PHF24: variants seen among roughly 807,000 people sequenced by gnomAD.
PHF24 encodes PHD finger protein 24.
In PHF24, 25 loss-of-function variants were observed where a neutral mutation model predicts 42.6. The ratio of observed to expected loss-of-function variants is 0.59; its 90% CI spans 0.43 to 0.82. The LOEUF is 0.82. Among genes scored for constraint, PHF24 ranks in the 40% least tolerant of loss-of-function variants. The probability of loss-of-function intolerance (pLI) is 0.00; values close to 1 mark genes in which losing one functional copy is unlikely to be tolerated. For missense variants in PHF24, 470 were observed against 538.1 expected, an observed-to-expected ratio of 0.87 and a Z score of 1.25; for synonymous variants, 185 against 204.8, an observed-to-expected ratio of 0.90 and a Z score of 0.83.
At chr9:34,748,538 C>T in the PHF24 span, among the ~76,000 whole-genome samples, 1 of 152,180 alleles carries the variant, frequency 6.6e-6, no homozygotes, top group Non-Finnish European at 1.5e-5. Flanking sequence ...TAGAGAGACT[C>T]TGTTTGGGAG....
At chr9:34,919,691 T>TACACACACACACACACATACACACAC in the PHF24 span, among the ~76,000 whole-genome samples, 1 of 148,190 alleles carries the variant, frequency 6.7e-6, no homozygotes, top group Non-Finnish European at 1.5e-5. Flanking sequence ...ACCCAGTAAT[T>TACACACACACACACACATACACACAC]ACACACACAC....
chr9:34,742,406 C>G, the PHF24 span, among the ~76,000 whole-genome samples: 1 of 152,086 alleles, frequency 6.6e-6, no homozygotes, highest in African/African-American at 2.4e-5. Context: ...GCAGCTCTCT[C>G]CTTGCTCACT....
chr9:34,689,735 TC>T, the PHF24 span: 1 of 1,534,546 alleles, frequency 6.5e-7, no homozygotes, highest in African/African-American at 1.4e-5. The surrounding 1 kb of genome is among the most constrained non-coding windows in gnomAD (Gnocchi z 4.1). Context: ...GCCTGGTCCT[TC>T]CTTCTGGTCC....
exon 8 of PHF24, chr9:34,978,130 G>A (rs748989403): frequency 1.0e-5 from 16 of 1,584,654 alleles, no homozygotes; most frequent in South Asian, 8.8e-5. Context: ...AGAGAAGCTC[G>A]GTTTGAGGAC....
chr9:34,898,178 A>G, the PHF24 span, among the ~76,000 whole-genome samples: 1 of 152,174 alleles, frequency 6.6e-6, no homozygotes, highest in Non-Finnish European at 1.5e-5. Flanking sequence ...CGTTTCCTCC[A>G]GGTAGATACC....
chr9:34,880,759 G>A, the PHF24 span, among the ~76,000 whole-genome samples: 1 of 152,118 alleles, frequency 6.6e-6, no homozygotes, highest in African/African-American at 2.4e-5. Context: ...ATAATAATGG[G>A]AGGCTTTAAC....
the PHF24 span, among the ~76,000 whole-genome samples, chr9:34,691,678 A>G: frequency 1.3e-5 from 2 of 152,098 alleles, no homozygotes; most frequent in Non-Finnish European, 2.9e-5. Context: ...GCTGGTGGTG[A>G]AGAAGGCTCC....
chr9:34,792,022 T>G, the PHF24 span, among the ~76,000 whole-genome samples: 2 of 152,228 alleles, frequency 1.3e-5, no homozygotes, highest in Non-Finnish European at 2.9e-5. Context: ...AGAAGGCATT[T>G]TACAGCATGT....
chr9:34,926,037 T>A, the PHF24 span, among the ~76,000 whole-genome samples: 1 of 152,230 alleles, frequency 6.6e-6, no homozygotes, highest in East Asian at 1.9e-4. The surrounding 1 kb of genome is among the most constrained non-coding windows in gnomAD (Gnocchi z 4.3). Flanking sequence ...GTAACCTCCA[T>A]GTAGTTTCTT....
chr9:34,793,105 T>A, the PHF24 span, among the ~76,000 whole-genome samples: 1 of 152,134 alleles, frequency 6.6e-6, no homozygotes, highest in Non-Finnish European at 1.5e-5. Context: ...ATAAAGTTTT[T>A]ATTATTATAT....
the PHF24 span, among the ~76,000 whole-genome samples, chr9:34,760,946 C>T: frequency 6.6e-6 from 1 of 151,466 alleles, no homozygotes; most frequent in African/African-American, 2.4e-5. Context: ...GAGCCGTGAT[C>T]GCGCCACTGC....
the PHF24 span, chr9:34,838,311 G>A: frequency 1.4e-6 from 1 of 730,212 alleles, no homozygotes; most frequent in Non-Finnish European, 2.5e-6. Context: ...TATTATCTGA[G>A]GCTTAATTAG....
chr9:34,903,454 T>A, the PHF24 span, among the ~76,000 whole-genome samples: 7 of 152,306 alleles, frequency 4.6e-5, no homozygotes, highest in South Asian at 6.2e-4. Context: ...TAGCCCTAGC[T>A]ACTCAGGAAG....
chr9:34,673,347 C>CT, the PHF24 span, among the ~76,000 whole-genome samples: 1 of 37,386 alleles, frequency 2.7e-5, no homozygotes, highest in Non-Finnish European at 6.1e-5. Flanking sequence ...GAGCGAGACT[C>CT]TATTTCAAAA....
chr9:34,837,057 A>G, the PHF24 span: 4 of 471,256 alleles, frequency 8.5e-6, no homozygotes, highest in African/African-American at 2.0e-5. Context: ...GCAAACAGCA[A>G]TAGATCACCT....
the PHF24 span, chr9:34,729,244 A>G: frequency 2.0e-6 from 3 of 1,537,240 alleles, no homozygotes; most frequent in Non-Finnish European, 2.6e-6. Context: ...TAGGCTTCTT[A>G]TCTGAGGCTT....
At chr9:34,839,717 A>G in the PHF24 span, among the ~76,000 whole-genome samples, 4 of 152,182 alleles carry the variant, frequency 2.6e-5, no homozygotes, top group Non-Finnish European at 5.9e-5. Context: ...AAGGACTTTG[A>G]GTCATGTTGG....
the PHF24 span, among the ~76,000 whole-genome samples, chr9:34,744,761 G>T: frequency 6.6e-6 from 1 of 152,144 alleles, no homozygotes; most frequent in African/African-American, 2.4e-5. Context: ...TGTAAAAAAG[G>T]TTGGGAGCTG....
chr9:34,821,038 A>C, the PHF24 span, among the ~76,000 whole-genome samples: 3 of 150,738 alleles, frequency 2.0e-5, no homozygotes, highest in African/African-American at 7.3e-5. Flanking sequence ...TCTTCTTTTG[A>C]AAAGTGTCTG....
Sources: gnomAD v4.1 joint callset for allele counts (sites outside exome capture counted in the v4.1 genomes callset) on GRCh38, gnomAD v4.1.1 for gene constraint, Gnocchi (gnomAD v3.1) non-coding constraint, MANE v1.5 for transcripts, NCBI Gene and HGNC (gene_info 2026-07-23, HGNC 2026-07-21) for gene names.